ESRRG: variants seen among roughly 807,000 people sequenced by gnomAD.
ESRRG encodes the protein estrogen related receptor gamma.
ESRRG carries 13 observed loss-of-function variants against 44.0 expected under a neutral mutation model. The ratio of observed to expected loss-of-function variants is 0.30; its 90% CI spans 0.19 to 0.47. The LOEUF is 0.47. ESRRG is among the 20% of genes least tolerant of loss of function. The probability of loss-of-function intolerance (pLI) is 1.00; values close to 1 mark genes in which losing one functional copy is unlikely to be tolerated. For missense variants in ESRRG, 395 were observed against 580.6 expected (o/e 0.68, Z 3.29); for synonymous variants, 215 against 214.6 (o/e 1.00, Z -0.02).
At chr1:216,865,075 C>A (rs1384656488) in intron 2 of ESRRG, 3 of 151,006 alleles carry the variant, frequency 2.0e-5, no homozygotes, top group African/African-American at 7.3e-5. Flanking sequence ...TTCCCTTTCT[C>A]AGTGGATCTG....
intron 2 of ESRRG, among the ~76,000 whole-genome samples, chr1:216,771,653 C>A (rs1021834372): frequency 1.3e-5 from 2 of 152,000 alleles, no homozygotes; most frequent in Non-Finnish European, 2.9e-5. Flanking sequence ...TTATGTACTG[C>A]AAGAACAATT....
In ESRRG at chr1:216,885,993, A is replaced by C. The variant is rs76340987; in HGVS notation, c.-14+53589T>G. Among the ~76,000 whole-genome samples the C allele has an allele frequency of 5.9e-3, 888 of 151,558 alleles. 15 individuals carry two copies. Among genetic ancestry groups the C allele is most frequent in the East Asian group, 0.054 (279 of 5,128 alleles). On this transcript the variant is annotated intron_variant, in intron 2 of 7. Coordinates refer to the ESRRG transcript ENST00000359162. ...TTCGTCCCTTTTTTTTAAAAAAAAA[A>C]CTCCTTTTCCTCTATTTGACCTTCC...
chr1:216,599,338 T>C (rs2058875748), intron 3 of ESRRG, among the ~76,000 whole-genome samples: 1 of 152,152 alleles, frequency 6.6e-6, no homozygotes, highest in African/African-American at 2.4e-5. Flanking sequence ...CTTTACACAG[T>C]GTACTTTCCT....
chr1:216,524,811 G>C (rs1412911993), intron 5 of ESRRG, among the ~76,000 whole-genome samples: 3 of 152,118 alleles, frequency 2.0e-5, no homozygotes, highest in East Asian at 3.9e-4. Context: ...TTGTATATAA[G>C]GGCAGAAGTG....
intron 2 of ESRRG, among the ~76,000 whole-genome samples, chr1:216,923,481 G>A (rs534082859): frequency 1.4e-4 from 22 of 152,078 alleles, no homozygotes; most frequent in Middle Eastern, 3.4e-3. Flanking sequence ...AAAAAATAAT[G>A]TGGGAAAGGA....
intron 3 of ESRRG, among the ~76,000 whole-genome samples, chr1:216,636,722 T>A (rs2065376159): frequency 6.6e-6 from 1 of 152,220 alleles, no homozygotes; most frequent in Admixed American, 6.5e-5. Context: ...GCTTGGGAAC[T>A]TTCAAAGAGG....
At chr1:216,945,236 G>C (rs2065879422) in intron 1 of ESRRG, among the ~76,000 whole-genome samples, 3 of 152,046 alleles carry the variant, frequency 2.0e-5, no homozygotes, top group Non-Finnish European at 4.4e-5. Flanking sequence ...GATGAGAAGA[G>C]AGAGTGCTGA....
At chr1:216,855,685 G>C (rs146758363) in intron 2 of ESRRG, among the ~76,000 whole-genome samples, 12 of 152,176 alleles carry the variant, frequency 7.9e-5, no homozygotes, top group Non-Finnish European at 1.6e-4. Context: ...ACCCAATTAG[G>C]TGTCTCCACC....
chr1:216,939,021 C>T (rs996563025), intron 2 of ESRRG, among the ~76,000 whole-genome samples: 1 of 152,034 alleles, frequency 6.6e-6, no homozygotes, highest in Non-Finnish European at 1.5e-5. Flanking sequence ...GTGAAGTAGA[C>T]AGATATCTCT....
intron 2 of ESRRG, among the ~76,000 whole-genome samples, chr1:216,912,183 A>AGGAGAGGAGAGGAGAGGAGAGGAG (rs1560083303): frequency 9.5e-5 from 2 of 21,156 alleles, no homozygotes; most frequent in Admixed American, 6.2e-4. Flanking sequence ...AAGAAAAGAA[A>AGGAGAGGAGAGGAGAGGAGAGGAG]AGGAGAGGAG....
intron 3 of ESRRG, among the ~76,000 whole-genome samples, chr1:216,590,688 T>C (rs1045539485): frequency 2.0e-5 from 3 of 152,182 alleles, no homozygotes; most frequent in African/African-American, 7.2e-5. Flanking sequence ...TATTCAGTAA[T>C]TTCAAGTCTT....
At chr1:217,113,631 G>A (rs975601284) in intron 1 of ESRRG, among the ~76,000 whole-genome samples, 2 of 152,078 alleles carry the variant, frequency 1.3e-5, no homozygotes, top group African/African-American at 4.8e-5. Flanking sequence ...AATCGAAATA[G>A]TTTGTTCTCA....
intron 1 of ESRRG, among the ~76,000 whole-genome samples, chr1:217,035,307 GAGACTCTGTC>G (rs2082691632): frequency 1.6e-5 from 2 of 122,900 alleles, no homozygotes; most frequent in Non-Finnish European, 3.2e-5. Flanking sequence ...GCAGCCTAGC[GAGACTCTGTC>G]TCAAAAAAAA....
At chr1:216,621,242 AT>A (rs1206174475) in intron 3 of ESRRG, among the ~76,000 whole-genome samples, 4 of 152,118 alleles carry the variant, frequency 2.6e-5, no homozygotes, top group African/African-American at 9.7e-5. Flanking sequence ...CAATTTAAAC[AT>A]TTTTTTCTTC....
chr1:216,963,680 G>GA (rs2069624543), intron 1 of ESRRG, among the ~76,000 whole-genome samples: 1 of 152,158 alleles, frequency 6.6e-6, no homozygotes, highest in African/African-American at 2.4e-5. Context: ...GGTGTCCTTA[G>GA]GGAAACCCGA....
chr1:216,897,815 GA>G (rs1448548126), intron 2 of ESRRG, among the ~76,000 whole-genome samples: 1 of 151,464 alleles, frequency 6.6e-6, no homozygotes, highest in Non-Finnish European at 1.5e-5. Context: ...AAAAAAAAGT[GA>G]GCTATCACCC....
chr1:216,630,112 G>C (rs570379340), intron 3 of ESRRG, among the ~76,000 whole-genome samples: 1 of 152,290 alleles, frequency 6.6e-6, no homozygotes, highest in African/African-American at 2.4e-5. Context: ...GGCACATGTT[G>C]CTTTCCTTAT....
At chr1:216,627,323 C>T (rs1439908937) in intron 3 of ESRRG, among the ~76,000 whole-genome samples, 1 of 152,172 alleles carries the variant, frequency 6.6e-6, no homozygotes, top group African/African-American at 2.4e-5. Context: ...GTCCCTCTGC[C>T]TCTACCTCCC....
At chr1:217,132,646 G>T (rs913668713) in intron 1 of ESRRG, among the ~76,000 whole-genome samples, 2 of 152,064 alleles carry the variant, frequency 1.3e-5, no homozygotes, top group South Asian at 2.1e-4. Flanking sequence ...TCTAAGAAAA[G>T]CAGGGCCTGT....
Sources: allele counts gnomAD v4.1 joint callset (sites outside exome capture counted in the v4.1 genomes callset), GRCh38; gene constraint gnomAD v4.1.1; transcripts MANE v1.5; gene names NCBI Gene and HGNC (gene_info 2026-07-23, HGNC 2026-07-21).